The following IGFBP7 variants were observed in gnomAD, a reference collection of about 807,000 sequenced individuals.
IGFBP7 encodes insulin-like growth factor-binding protein 7.
Under a neutral mutation model 29.4 loss-of-function variants are expected in IGFBP7, and 31 were observed. That is an observed-to-expected ratio of 1.05 (90% CI 0.79 to 1.42). The LOEUF (loss-of-function observed/expected upper bound fraction) is 1.42. Among genes scored for constraint, IGFBP7 ranks in the 40% most tolerant of loss-of-function variants. The pLI is 0.00. For missense variants in IGFBP7, 393 were observed against 395.5 expected, an observed-to-expected ratio of 0.99 and a Z score of 0.05; for synonymous variants, 172 against 174.9, an observed-to-expected ratio of 0.98 and a Z score of 0.13.
intron 1 of IGFBP7, among the ~76,000 whole-genome samples, chr4:57,068,461 A>G (rs919373898): frequency 2.0e-5 from 3 of 152,180 alleles, no homozygotes; most frequent in African/African-American, 4.8e-5. Flanking sequence ...AGCGATGACA[A>G]TAAGTAATGA....
At chr4:57,032,232 G>A (rs897398280) in intron 4 of IGFBP7, 194 bp downstream of exon 4, 21 of 1,382,934 alleles carry the variant, frequency 1.5e-5, no homozygotes, top group Non-Finnish European at 1.9e-5. Context: ...TCATAATAAC[G>A]ATGTTCAGTC....
chr4:57,057,029 A>T (rs1315132288), intron 1 of IGFBP7, among the ~76,000 whole-genome samples: 2 of 151,958 alleles, frequency 1.3e-5, no homozygotes, highest in African/African-American at 4.8e-5. Context: ...TTTTTGAGAC[A>T]GGCTCTCACT....
chr4:57,035,553 G>A (rs1315789726), intron 2 of IGFBP7, among the ~76,000 whole-genome samples: 2 of 152,110 alleles, frequency 1.3e-5, no homozygotes, highest in South Asian at 2.1e-4. Flanking sequence ...CTCCGCCTCC[G>A]GGATTCCAGT....
intron 1 of IGFBP7, among the ~76,000 whole-genome samples, chr4:57,070,438 A>C (rs907594696): frequency 1.6e-4 from 24 of 152,338 alleles, no homozygotes; most frequent in Middle Eastern, 3.4e-3. Context: ...ATGCATTTCC[A>C]TTATGGCTAA....
intron 1 of IGFBP7, among the ~76,000 whole-genome samples, chr4:57,094,465 T>C (rs1387645316): frequency 2.0e-5 from 3 of 152,050 alleles, no homozygotes; most frequent in Non-Finnish European, 4.4e-5. Context: ...TGCAGAGAAA[T>C]GGGAGGAGAA....
intron 1 of IGFBP7, among the ~76,000 whole-genome samples, chr4:57,052,261 T>C (rs1713971): frequency 0.9 from 137,147 of 152,220 alleles, 61,894 homozygotes; most frequent in South Asian, 0.95. Context: ...AGAGGCATGA[T>C]TTAAAGGCTG....
chr4:57,047,090 T>A (rs951260572), intron 1 of IGFBP7, among the ~76,000 whole-genome samples: 1 of 152,196 alleles, frequency 6.6e-6, no homozygotes, highest in Non-Finnish European at 1.5e-5. Flanking sequence ...TGATATGGTT[T>A]GACTGTGTCC....
intron 1 of IGFBP7, among the ~76,000 whole-genome samples, chr4:57,057,900 C>T (rs1356385958): frequency 6.6e-6 from 1 of 152,158 alleles, no homozygotes; most frequent in East Asian, 1.9e-4. Context: ...TGAACTGACA[C>T]TTGAAGAGAA....
intron 1 of IGFBP7, among the ~76,000 whole-genome samples, chr4:57,072,476 C>T (rs924174218): frequency 4.6e-5 from 7 of 152,018 alleles, no homozygotes; most frequent in African/African-American, 7.2e-5. Context: ...GATGATACAA[C>T]GAGCTGTGTT....
At chr4:57,036,024 T>C (rs1364301039) in intron 2 of IGFBP7, among the ~76,000 whole-genome samples, 1 of 152,164 alleles carries the variant, frequency 6.6e-6, no homozygotes, top group Non-Finnish European at 1.5e-5. Flanking sequence ...TTAAAGTAGG[T>C]TTTTTAAGTT....
At position 57,060,201 on chromosome 4, in the gene IGFBP7, T is replaced by C. The variant is rs183001841; in HGVS notation, c.476-19268A>G. On this transcript the variant is annotated intron_variant, in intron 1 of 4. Coordinates refer to ENST00000295666, the MANE Select transcript of IGFBP7 (RefSeq NM_001553.3). The stretch of plus-strand genomic sequence containing the variant: ...ATCTCCTGGGCTGTAATCCCAGAGT[T>C]CCCAGACAAATGAGGTCTGGCTGCT... 2.3e-3 allele frequency among the ~76,000 whole-genome samples: 356 copies of C among 152,302 alleles called. 2 individuals carry two copies. The highest frequency in any genetic ancestry group is 7.9e-3 in the African/African-American group (328 of 41,578).
rs1005703328 is a variant in IGFBP7 at position 57,073,794 on chromosome 4, G to A, written c.476-32861C>T. On this transcript the variant is annotated intron_variant, in intron 1 of 4. Coordinates refer to ENST00000295666, the MANE Select transcript of IGFBP7 (RefSeq NM_001553.3). ...CCACTGTCACCACCACCACATCCAC[G>A]GCCACAGCCCATTTGTGGTGAGCCT... Among the ~76,000 whole-genome samples the A allele has an allele frequency of 3.3e-5, 5 of 152,160 alleles. No individual in the cohort carries two copies. In the East Asian group the frequency reaches 7.8e-4, roughly 24 times the overall value.
chr4:57,031,241 A>G lies in IGFBP7; in HGVS notation c.*76T>C. 8.2e-7 allele frequency: 1 copy of G among 1,221,616 alleles called. No individual in the cohort carries two copies. 75.7% of individuals were successfully genotyped at this position (1,221,616 alleles called of 1,614,324 possible). On this transcript the variant is annotated 3_prime_UTR_variant, in exon 5 of 5. Transcript: ENST00000295666. The stretch of plus-strand genomic sequence containing the variant: ...GTGTTAGTGGATTGGATTAAAAGAA[A>G]CTTATTAGGCAAGAACAGGTAATGT...
At position 57,106,479 on chromosome 4, in the gene IGFBP7, A is replaced by G. The variant is rs150409403; in HGVS notation, c.475+3398T>C. 2.5e-4 allele frequency among the ~76,000 whole-genome samples: 38 copies of G among 152,270 alleles called. 1 individual carries two copies. Among genetic ancestry groups the G allele is most frequent in the African/African-American group, 7.7e-4 (32 of 41,542 alleles). On this transcript the variant is annotated intron_variant, in intron 1 of 4. Coordinates refer to ENST00000295666, the MANE Select transcript of IGFBP7 (RefSeq NM_001553.3). ...GAAAGCATAGAGACATATGTGCTGA[A>G]GTGTGAATAGCAGACACTTACTGTG...
chr4:57,041,179 C>A (rs1458823707), intron 1 of IGFBP7, among the ~76,000 whole-genome samples: 1 of 152,160 alleles, frequency 6.6e-6, no homozygotes, highest in African/African-American at 2.4e-5. Context: ...AAATTTTCTT[C>A]TTCCCCAGAC....
intron 1 of IGFBP7, among the ~76,000 whole-genome samples, chr4:57,063,856 C>A (rs549800823): frequency 6.6e-6 from 1 of 152,076 alleles, no homozygotes; most frequent in Non-Finnish European, 1.5e-5. Flanking sequence ...TAACATAGAT[C>A]GTAAGTTAAA....
Position 57,044,613 on chromosome 4 carries a change from A to G in IGFBP7, c.476-3680T>C, listed in dbSNP as rs1045880072. On this transcript the variant is annotated intron_variant, in intron 1 of 4. Transcript: ENST00000295666. ...TTCAGCACCATTTGTTGAAAAGACC[A>G]TCTTTTTCCTAATGAATCATAATAA... 3.3e-5 allele frequency among the ~76,000 whole-genome samples: 5 copies of G among 152,224 alleles called. No homozygotes were observed. In the East Asian group the frequency reaches 5.8e-4, roughly 18 times the overall value.
At chr4:57,045,565 C>T (rs1448612036) in intron 1 of IGFBP7, among the ~76,000 whole-genome samples, 1 of 152,076 alleles carries the variant, frequency 6.6e-6, no homozygotes, top group Non-Finnish European at 1.5e-5. Context: ...GGTTGGCCTC[C>T]ACGTGACTTC....
chr4:57,072,699 A>G (rs2109777349), intron 1 of IGFBP7: 1 of 415,830 alleles, frequency 2.4e-6, no homozygotes, highest in East Asian at 6.3e-5. Flanking sequence ...AAAAGGCTAC[A>G]GCAGGAGTTG....
Sources: allele counts gnomAD v4.1 joint callset (sites outside exome capture counted in the v4.1 genomes callset), GRCh38; gene constraint gnomAD v4.1.1; transcripts MANE v1.5; gene names NCBI Gene and HGNC (gene_info 2026-07-23, HGNC 2026-07-21).